Variants in HLF observed in about 807,000 individuals in gnomAD.
The protein encoded by HLF is HLF transcription factor, PAR bZIP family member.
HLF carries 3 observed loss-of-function variants against 22.6 expected under a neutral mutation model. That is an observed-to-expected ratio of 0.13 (90% CI 0.06 to 0.34). The LOEUF is 0.34. Among genes scored for constraint, HLF ranks in the 10% least tolerant of loss-of-function variants. HLF has a pLI of 1.00. For synonymous variants in HLF, 151 were observed against 151.8 expected (o/e 0.99, Z 0.04); for missense variants, 299 against 389.2 (o/e 0.77, Z 1.95).
chr17:55,278,478 G>A (rs1392552107), intron 2 of HLF, among the ~76,000 whole-genome samples: 1 of 152,166 alleles, frequency 6.6e-6, no homozygotes, highest in Non-Finnish European at 1.5e-5. Flanking sequence ...TGCACTTAAT[G>A]GAAAGAGTTA....
chr17:55,286,514 C>T (rs567950177), intron 2 of HLF, among the ~76,000 whole-genome samples: 118 of 152,234 alleles, frequency 7.8e-4, no homozygotes, highest in African/African-American at 2.8e-3. Context: ...TAGGTGGCCA[C>T]CTGAAGCTTG....
chr17:55,308,457 A>G (rs560976935), intron 2 of HLF, among the ~76,000 whole-genome samples: 1 of 152,290 alleles, frequency 6.6e-6, no homozygotes, highest in South Asian at 2.1e-4. Context: ...CCTTTTACAC[A>G]TAAGGGAATT....
At chr17:55,270,726 T>C (rs982731315) in intron 2 of HLF, among the ~76,000 whole-genome samples, 1 of 147,834 alleles carries the variant, frequency 6.8e-6, no homozygotes, top group Admixed American at 7.0e-5. Flanking sequence ...AGTGGCGCGA[T>C]CTCAGCTCAC....
At chr17:55,307,626 A>G (rs943070768) in intron 2 of HLF, among the ~76,000 whole-genome samples, 2 of 152,098 alleles carry the variant, frequency 1.3e-5, no homozygotes, top group African/African-American at 2.4e-5. Flanking sequence ...GTTCCTCCCA[A>G]AAGTCCCTGT....
intron 2 of HLF, among the ~76,000 whole-genome samples, chr17:55,281,110 A>G (rs2080951102): frequency 6.6e-6 from 1 of 152,196 alleles, no homozygotes; most frequent in African/African-American, 2.4e-5. Flanking sequence ...AGCAGTCTTG[A>G]GGGATTACAA....
chr17:55,320,844 C>T lies in HLF; in HGVS notation c.853C>T (p.Leu285Phe). The change falls in exon 4 of 4, where the codon CTT (leucine) becomes TTT (phenylalanine). Residue 285 changes from leucine (L) to phenylalanine (F), a missense_variant. This residue lies in a region of HLF where 224 missense variants were observed against 298.1 expected (regional missense o/e 0.75). Transcript: ENST00000226067. The surrounding 1 kb of genome is among the most constrained non-coding windows in gnomAD (Gnocchi z 4.2). ...RKELGKCKNI[L>F]AKYEARHGPL is the part of the protein sequence containing the mutation. ...GGAGCTGGGCAAATGCAAGAACATA[C>T]TTGCCAAGTATGAGGCCAGGCACGG... 1 of 1,613,540 alleles carries T rather than the reference C, an allele frequency of 6.2e-7. No individual in the cohort carries two copies. Among genetic ancestry groups the T allele is most frequent in the Non-Finnish European group, 8.5e-7 (1 of 1,179,876 alleles).
At chr17:55,314,291 T>G (rs1026263102) in intron 2 of HLF, among the ~76,000 whole-genome samples, 1 of 152,220 alleles carries the variant, frequency 6.6e-6, no homozygotes, top group African/African-American at 2.4e-5. Flanking sequence ...GAAGTTAGAT[T>G]GTCTCTATTA....
At chr17:55,288,349 T>C (rs2145327135) in intron 2 of HLF, among the ~76,000 whole-genome samples, 1 of 152,164 alleles carries the variant, frequency 6.6e-6, no homozygotes, top group South Asian at 2.1e-4. Flanking sequence ...AGTTTCACCA[T>C]GGTGGCCAGG....
At chr17:55,296,932 C>T (rs898250571) in intron 2 of HLF, among the ~76,000 whole-genome samples, 1 of 152,030 alleles carries the variant, frequency 6.6e-6, no homozygotes, top group South Asian at 2.1e-4. Flanking sequence ...CAGAGCTCCA[C>T]AGGTGAGGCT....
chr17:55,302,996 G>A (rs1166680340), intron 2 of HLF, among the ~76,000 whole-genome samples: 2 of 152,236 alleles, frequency 1.3e-5, no homozygotes, highest in Admixed American at 6.5e-5. Context: ...GGCAGAATGA[G>A]GCTATAGATA....
intron 2 of HLF, among the ~76,000 whole-genome samples, chr17:55,299,991 A>G (rs1490169026): frequency 6.6e-6 from 1 of 152,064 alleles, no homozygotes; most frequent in African/African-American, 2.4e-5. Flanking sequence ...TGCCACCACC[A>G]GGCCCAGCTA....
At chr17:55,265,729 C>G in intron 1 of HLF, 130 bp downstream of exon 1, 1 of 1,130,724 alleles carries the variant, frequency 8.8e-7, no homozygotes, top group South Asian at 1.8e-5. Flanking sequence ...CGGCCCCGCG[C>G]TGATGAAATT....
intron 2 of HLF, among the ~76,000 whole-genome samples, chr17:55,297,309 A>G (rs1428875340): frequency 6.6e-6 from 1 of 152,124 alleles, no homozygotes; most frequent in African/African-American, 2.4e-5. Context: ...AGAATTATCT[A>G]ATTCCTTTTG....
At chr17:55,311,305 A>C (rs1320505457) in intron 2 of HLF, among the ~76,000 whole-genome samples, 1 of 152,090 alleles carries the variant, frequency 6.6e-6, no homozygotes, top group Non-Finnish European at 1.5e-5. Context: ...AGTAGTCTCT[A>C]CTAAAAAATA....
chr17:55,276,456 T>C (rs996568585), intron 2 of HLF, among the ~76,000 whole-genome samples: 4 of 152,176 alleles, frequency 2.6e-5, no homozygotes, highest in Admixed American at 2.6e-4. Flanking sequence ...CAATAAGAGC[T>C]GCCAGACCTC....
intron 1 of HLF, chr17:55,266,415 G>A (rs2080790735): frequency 6.6e-6 from 1 of 152,294 alleles, no homozygotes; most frequent in Non-Finnish European, 1.5e-5. Context: ...CACGGATTTG[G>A]GTTGATGCGA....
chr17:55,323,160 TG>T lies in HLF; in HGVS notation c.*2286del. Reference sequence around the variant, plus strand: ...ACAAGCTGTAGATAACAGCAAGAGATGGGGGTGTATTGGAATTGCAATACAT... The same window carrying T: ...ACAAGCTGTAGATAACAGCAAGAGATGGGGTGTATTGGAATTGCAATACAT... On this transcript the variant is annotated 3_prime_UTR_variant, in exon 4 of 4. Coordinates refer to ENST00000226067, the MANE Select transcript of HLF (RefSeq NM_002126.5). 4.6e-6 allele frequency: 1 copy of T among 216,802 alleles called. No homozygotes were observed. The highest frequency in any genetic ancestry group is 9.3e-6 in the Non-Finnish European group (1 of 107,684). The allele number at this position is 216,802 out of a possible 1,614,324, so 13.4% of individuals were successfully genotyped here. A position where few individuals can be genotyped will look rare whatever the true frequency, so the allele number is the denominator to read the frequency against.
rs1905381735 is a variant in HLF at position 55,324,487 on chromosome 17, C to A, written c.*3608C>A. 4.3e-6 allele frequency: 1 copy of A among 231,760 alleles called. No homozygotes were observed. Among genetic ancestry groups the A allele is most frequent in the Admixed American group, 5.6e-5 (1 of 17,724 alleles). The allele number at this position is 231,760 out of a possible 1,614,324, so 14.4% of individuals were successfully genotyped here. A position where few individuals can be genotyped will look rare whatever the true frequency, so the allele number is the denominator to read the frequency against. On this transcript the variant is annotated 3_prime_UTR_variant, in exon 4 of 4. Transcript: ENST00000226067. ...ATTCTTCCTTTAAGGAAAACTCAAT[C>A]TTTATCACAGTCAATTAGAGCGATC...
chr17:55,309,952 C>T (rs1301927462), intron 2 of HLF, among the ~76,000 whole-genome samples: 1 of 152,228 alleles, frequency 6.6e-6, no homozygotes, highest in East Asian at 1.9e-4. Context: ...TGCTGTTCCC[C>T]TTCATTGATG....
Sources: allele counts gnomAD v4.1 joint callset (sites outside exome capture counted in the v4.1 genomes callset), GRCh38; gene constraint gnomAD v4.1.1; regional missense constraint gnomAD v4.1.1; non-coding constraint Gnocchi (gnomAD v3.1); transcripts MANE v1.5; gene names NCBI Gene and HGNC (gene_info 2026-07-23, HGNC 2026-07-21).